ADGRD2: variants seen among roughly 807,000 people sequenced by gnomAD.
The protein encoded by ADGRD2 is G protein-coupled receptor PGR24.
A neutral mutation model predicts 44.4 loss-of-function variants in ADGRD2; 71 were observed. The ratio of observed to expected loss-of-function variants is 1.60; its 90% CI spans 1.32 to 1.95. The LOEUF is 1.95. Ranked by LOEUF, ADGRD2 falls within the 30% of genes most tolerant of loss-of-function variation. ADGRD2 has a pLI of 0.00. For synonymous variants in ADGRD2, 481 were observed against 224.8 expected (o/e 2.14, Z -10.19); for missense variants, 1,039 against 512.4 (o/e 2.03, Z -9.92).
intron 19 of ADGRD2, 120 bp from the exon 23 acceptor site, chr9:124,476,237 A>T: frequency 1.7e-6 from 1 of 590,946 alleles, no homozygotes; most frequent in Non-Finnish European, 3.1e-6. Flanking sequence ...CTAATCTGTG[A>T]GGTAAACCTT....
In ADGRD2 at chr9:124,463,185, AT is replaced by A. The variant is rs1489023436; in HGVS notation, c.1871-3068del. On this transcript the variant is annotated intron_variant, in intron 10 of 21. Transcript: ENST00000334810. ...CCCTTCTCTTCCTGGTTTGCTGAGA[AT>A]TTTTATCATGAATGGCTTTTGAATT... 1.2e-4 allele frequency among the ~76,000 whole-genome samples: 19 copies of A among 152,114 alleles called. 1 individual carries two copies. The highest frequency in any genetic ancestry group is 1.2e-3 in the Admixed American group (19 of 15,262).
At chr9:124,475,592 ATGGCTGAGAAGAAGG>A in exon 19 of ADGRD2, 1 of 458,328 alleles carries the variant, frequency 2.2e-6, no homozygotes. Flanking sequence ...CCTGCAGAGG[ATGGCTGAGAAGAAGG>A]TGGCCGAGGT....
chr9:124,453,430 T>C, exon 3 of ADGRD2: 1 of 658,426 alleles, frequency 1.5e-6, no homozygotes. Flanking sequence ...CCCGGTGCCG[T>C]CCGGCGGCAT....
At chr9:124,465,651 C>T (rs992122150) in intron 10 of ADGRD2, 2 of 152,092 alleles carry the variant, frequency 1.3e-5, no homozygotes, top group African/African-American at 4.8e-5. Context: ...CAAACCCAGC[C>T]GTTAAGATGA....
Position 124,457,602 on chromosome 9 carries a change from GA to G in ADGRD2, c.1639del (p.Gly548AlafsTer7). 4 of 647,176 alleles carry G rather than the reference GA, an allele frequency of 6.2e-6. No homozygotes were observed. Among genetic ancestry groups the G allele is most frequent in the Non-Finnish European group, 8.5e-6 (3 of 354,448 alleles). 40.1% of individuals were successfully genotyped at this position (647,176 alleles called of 1,614,324 possible). On this transcript the variant is annotated frameshift_variant, in exon 8 of 22. Transcript: ENST00000334810. LOFTEE classifies it high-confidence loss of function. ...CGAGTGAAGTGAGGCGACTCCTCAG[GA>G]AAGGTGGGTGAGGATGAGGGGGTGT...
intron 11 of ADGRD2, chr9:124,466,617 C>T: frequency 2.6e-6 from 1 of 390,788 alleles, no homozygotes; most frequent in Non-Finnish European, 4.6e-6. Flanking sequence ...CAAGACCAGC[C>T]TGGGCAACAT....
intron 3 of ADGRD2, 98 bp downstream of exon 6, chr9:124,453,774 G>C: frequency 1.6e-6 from 1 of 625,150 alleles, no homozygotes; most frequent in South Asian, 1.8e-5. Context: ...GCCACGCCTA[G>C]CTCTGGCCAC....
intron 9 of ADGRD2, 50 bp downstream of exon 12, chr9:124,458,286 A>T: frequency 1.4e-6 from 1 of 713,076 alleles, no homozygotes; most frequent in South Asian, 1.5e-5. Flanking sequence ...CCCCTCCCCA[A>T]GGAAGGCCAA....
chr9:124,472,079 C>T (rs1394994168), intron 17 of ADGRD2, among the ~76,000 whole-genome samples: 3 of 152,226 alleles, frequency 2.0e-5, no homozygotes, highest in East Asian at 1.9e-4. Flanking sequence ...GGTTGGATTC[C>T]TGATGCTCTC....
At chr9:124,467,807 G>T (rs376364667) in exon 12 of ADGRD2, 1 of 718,494 alleles carries the variant, frequency 1.4e-6, no homozygotes, top group Admixed American at 2.0e-5. Context: ...CCACCTTCTT[G>T]CTCTTCCTGG....
chr9:124,476,432 G>A lies in ADGRD2; in HGVS notation c.2904+17G>A. ...GAGAGACAGGTGAGGCTGGGACAGG[G>A]TGGGCCGCACAGGGCTCTGCCAGGG... On this transcript the variant is annotated intron_variant, in intron 20 of 21. Coordinates refer to ENST00000334810, the Ensembl canonical transcript of ADGRD2. 1 of 701,300 alleles carries A rather than the reference G, an allele frequency of 1.4e-6. No homozygotes were observed. The highest frequency in any genetic ancestry group is 2.6e-6 in the Non-Finnish European group (1 of 383,656). The allele number at this position is 701,300 out of a possible 1,614,324, so 43.4% of individuals were successfully genotyped here.
chr9:124,477,426 C>T (rs1355599327), intron 21 of ADGRD2, among the ~76,000 whole-genome samples: 2 of 152,252 alleles, frequency 1.3e-5, no homozygotes, highest in African/African-American at 2.4e-5. Context: ...AGGCCCCTCC[C>T]AGGGGCAGGT....
At chr9:124,470,220 C>A (rs1831921148) in intron 16 of ADGRD2, among the ~76,000 whole-genome samples, 1 of 152,222 alleles carries the variant, frequency 6.6e-6, no homozygotes, top group African/African-American at 2.4e-5. Context: ...CCACTCTGGA[C>A]AACTACCACC....
intron 3 of ADGRD2, 56 bp downstream of exon 6, chr9:124,453,732 C>T: frequency 1.5e-6 from 1 of 656,684 alleles, no homozygotes; most frequent in Admixed American, 2.2e-5. Context: ...TCCCTTCCGA[C>T]CCTGGAACTC....
exon 2 of ADGRD2, chr9:124,452,660 G>A (rs755016353): frequency 1.5e-5 from 11 of 717,684 alleles, no homozygotes; most frequent in African/African-American, 3.5e-5. Flanking sequence ...CTTGCTTCAC[G>A]GCTGCGCGAT....
chr9:124,477,749 GAGGCGCCCCCCACAGGCCCGCCC>G (rs1350793696), intron 21 of ADGRD2, among the ~76,000 whole-genome samples: 3 of 152,118 alleles, frequency 2.0e-5, no homozygotes, highest in African/African-American at 7.2e-5. Flanking sequence ...GAATGGGCTG[GAGGCGCCCCCCACAGGCCCGCCC>G]AGGCGCCCCC....
At chr9:124,453,222 G>C (rs1831532917) in exon 3 of ADGRD2, 1 of 602,476 alleles carries the variant, frequency 1.7e-6, no homozygotes, top group Middle Eastern at 4.0e-4. Flanking sequence ...CGCTGCAGCT[G>C]CGCGCCTTCG....
intron 21 of ADGRD2, among the ~76,000 whole-genome samples, chr9:124,477,373 C>T (rs1588611599): frequency 6.6e-6 from 1 of 152,232 alleles, no homozygotes; most frequent in Non-Finnish European, 1.5e-5. Flanking sequence ...CCTCAGCCTC[C>T]GCCAGGTGAC....
At position 124,453,820 on chromosome 9, in the gene ADGRD2, A is replaced by G; in HGVS notation, c.923+144A>G. ...GGCCGCAGTGCCTGCAAGCTCCAGCATAAACCTGGTCCCAGCAGCCTGGGG... is the reference window on the plus strand; with the variant it reads ...GGCCGCAGTGCCTGCAAGCTCCAGCGTAAACCTGGTCCCAGCAGCCTGGGG... On this transcript the variant is annotated intron_variant, in intron 3 of 21. Transcript: ENST00000334810. The G allele has an allele frequency of 1.1e-5, 7 of 608,868 alleles. 1 individual carries two copies. The Admixed American group carries it at 1.7e-4, about 15-fold the overall frequency. The allele number at this position is 608,868 out of a possible 1,614,324, so 37.7% of individuals were successfully genotyped here.
Sources: allele counts gnomAD v4.1 joint callset (sites outside exome capture counted in the v4.1 genomes callset), GRCh38; gene constraint gnomAD v4.1.1; transcripts MANE v1.5; gene names NCBI Gene and HGNC (gene_info 2026-07-23, HGNC 2026-07-21).